FSTL5: variants seen among roughly 807,000 people sequenced by gnomAD.
FSTL5 encodes the protein follistatin-related protein 5.
A neutral mutation model predicts 89.1 loss-of-function variants in FSTL5; 62 were observed. The ratio of observed to expected loss-of-function variants is 0.70; its 90% CI spans 0.57 to 0.86. FSTL5 has a LOEUF of 0.86. Ranked by LOEUF, FSTL5 falls within the 40% of genes least tolerant of loss-of-function variation. The pLI is 0.00. For synonymous variants in FSTL5, 383 were observed against 346.2 expected (o/e 1.11, Z -1.18); for missense variants, 1,057 against 1,001.6 (o/e 1.06, Z -0.75).
rs148983827 is a variant in FSTL5, at chr4:161,844,820, A to G, written c.410-68746T>C. Among the ~76,000 whole-genome samples, 1,170 of 152,182 alleles carry G rather than the reference A, an allele frequency of 7.7e-3. 20 individuals carry two copies. The highest frequency in any genetic ancestry group is 0.025 in the African/African-American group (1,053 of 41,526). On this transcript the variant is annotated intron_variant, in intron 4 of 15. Coordinates refer to ENST00000306100, the MANE Select transcript of FSTL5 (RefSeq NM_020116.5). Reference sequence around the variant, plus strand: ...TTGGGGAAGGATAGCGTTAGGAGAAATACCTAATGTAGATGACAGGTTCTT... The same window carrying G: ...TTGGGGAAGGATAGCGTTAGGAGAAGTACCTAATGTAGATGACAGGTTCTT...
intron 1 of FSTL5, among the ~76,000 whole-genome samples, chr4:162,161,832 C>G (rs564470216): frequency 8.6e-5 from 13 of 151,830 alleles, no homozygotes; most frequent in African/African-American, 2.9e-4. Context: ...ATTTCACAGC[C>G]TAAATATTTA....
intron 7 of FSTL5, among the ~76,000 whole-genome samples, chr4:161,607,188 T>C (rs1028789191): frequency 1.3e-5 from 2 of 152,156 alleles, no homozygotes; most frequent in African/African-American, 4.8e-5. Context: ...TGCAGAAAAC[T>C]GTATTGTCCA....
At chr4:161,524,035 A>C (rs1336615943) in intron 10 of FSTL5, among the ~76,000 whole-genome samples, 1 of 152,266 alleles carries the variant, frequency 6.6e-6, no homozygotes, top group East Asian at 1.9e-4. Flanking sequence ...TGGGGATGGA[A>C]CATGCCTCAT....
At chr4:161,731,819 G>C (rs548180953) in intron 6 of FSTL5, among the ~76,000 whole-genome samples, 1 of 151,774 alleles carries the variant, frequency 6.6e-6, no homozygotes, top group East Asian at 1.9e-4. Flanking sequence ...TTTGTTGTGT[G>C]CATCGGTAGT....
intron 15 of FSTL5, among the ~76,000 whole-genome samples, chr4:161,451,488 G>T (rs1341484522): frequency 6.6e-6 from 1 of 152,144 alleles, no homozygotes; most frequent in Admixed American, 6.6e-5. Context: ...ATAATCAACA[G>T]GGAGCCAGTT....
chr4:162,052,643 C>T (rs1298357178), intron 2 of FSTL5, among the ~76,000 whole-genome samples: 1 of 151,612 alleles, frequency 6.6e-6, no homozygotes, highest in Non-Finnish European at 1.5e-5. Flanking sequence ...ATGGAGAATT[C>T]AACAATTAGA....
At chr4:161,641,485 T>C (rs1234438670) in intron 7 of FSTL5, among the ~76,000 whole-genome samples, 1 of 151,304 alleles carries the variant, frequency 6.6e-6, no homozygotes, top group Non-Finnish European at 1.5e-5. Flanking sequence ...ATATCCAAAT[T>C]AGAGGGTTTT....
intron 4 of FSTL5, among the ~76,000 whole-genome samples, chr4:161,785,146 A>T (rs1257048653): frequency 1.3e-5 from 2 of 152,190 alleles, no homozygotes; most frequent in African/African-American, 4.8e-5. Context: ...TGAAGATCTG[A>T]GGAACTTTTC....
chr4:161,625,657 C>T (rs1472442696), intron 7 of FSTL5, among the ~76,000 whole-genome samples: 2 of 152,000 alleles, frequency 1.3e-5, no homozygotes, highest in Admixed American at 1.3e-4. Flanking sequence ...GAGTCACACA[C>T]CTCTCATTTT....
At chr4:161,437,337 C>A (rs574057886) in intron 15 of FSTL5, among the ~76,000 whole-genome samples, 7 of 151,966 alleles carry the variant, frequency 4.6e-5, no homozygotes, top group Admixed American at 3.3e-4. Flanking sequence ...GAGGCCGAGG[C>A]GGGCGGATTA....
intron 6 of FSTL5, among the ~76,000 whole-genome samples, chr4:161,734,078 G>A (rs1158260762): frequency 6.6e-6 from 1 of 152,024 alleles, no homozygotes; most frequent in Non-Finnish European, 1.5e-5. Context: ...TATTCAATGA[G>A]AAAGTATGAA....
chr4:162,125,243 T>C (rs1579047760), intron 1 of FSTL5, among the ~76,000 whole-genome samples: 2 of 152,186 alleles, frequency 1.3e-5, no homozygotes, highest in African/African-American at 2.4e-5. Flanking sequence ...TTAATTATAA[T>C]GCATCAATTC....
In FSTL5 at chr4:161,397,623, C is replaced by T. The variant is rs559022469; in HGVS notation, c.1842-11174G>A. On this transcript the variant is annotated intron_variant, in intron 15 of 15. Transcript: ENST00000306100. ...GATTGGTATTAATAGTATTATAATGCTATTAGAAACAAAAAACATACATAT... is the reference window on the plus strand; with the variant it reads ...GATTGGTATTAATAGTATTATAATGTTATTAGAAACAAAAAACATACATAT... 5.5e-5 allele frequency among the ~76,000 whole-genome samples: 8 copies of T among 146,460 alleles called. No individual in the cohort carries two copies. The East Asian group carries it at 1.2e-3, about 23-fold the overall frequency.
chr4:161,641,692 G>T (rs532018687), intron 7 of FSTL5, among the ~76,000 whole-genome samples: 3 of 151,756 alleles, frequency 2.0e-5, no homozygotes, highest in African/African-American at 7.3e-5. Flanking sequence ...TGGTTTCACC[G>T]TGTTAGCCAG....
intron 1 of FSTL5, among the ~76,000 whole-genome samples, chr4:162,141,527 A>G (rs1046986553): frequency 6.6e-6 from 1 of 152,176 alleles, no homozygotes; most frequent in African/African-American, 2.4e-5. Flanking sequence ...TGCTAGCACC[A>G]TGCTTCTTGT....
At chr4:161,576,541 G>A (rs144046323) in intron 8 of FSTL5, among the ~76,000 whole-genome samples, 78 of 152,146 alleles carry the variant, frequency 5.1e-4, no homozygotes, top group African/African-American at 1.9e-3. Context: ...TCTGATCTTC[G>A]ACAAACCTGA....
At chr4:161,988,423 A>G (rs959431218) in intron 3 of FSTL5, among the ~76,000 whole-genome samples, 13 of 152,178 alleles carry the variant, frequency 8.5e-5, no homozygotes, top group Admixed American at 8.5e-4. Context: ...GTATTAGTCA[A>G]TACTTCTCAA....
intron 3 of FSTL5, among the ~76,000 whole-genome samples, chr4:161,987,801 T>G (rs1203586029): frequency 1.3e-5 from 2 of 151,682 alleles, no homozygotes; most frequent in Admixed American, 6.6e-5. Context: ...ACACCATGTC[T>G]GAGCACACCT....
intron 3 of FSTL5, among the ~76,000 whole-genome samples, chr4:161,923,310 T>A (rs1404215886): frequency 6.8e-6 from 1 of 146,624 alleles, no homozygotes; most frequent in Non-Finnish European, 1.5e-5. Context: ...TTAAAAAAAA[T>A]TAATGTACTG....
Sources: allele counts gnomAD v4.1 joint callset (sites outside exome capture counted in the v4.1 genomes callset), GRCh38; gene constraint gnomAD v4.1.1; transcripts MANE v1.5; gene names NCBI Gene and HGNC (gene_info 2026-07-23, HGNC 2026-07-21).